The following CHRM3 variants were observed in gnomAD, a reference collection of about 807,000 sequenced individuals.
CHRM3 encodes cholinergic receptor muscarinic 3.
A neutral mutation model predicts 41.8 loss-of-function variants in CHRM3; 11 were observed. The observed-to-expected ratio is 0.26, with a 90% CI of 0.17 to 0.44. The LOEUF is 0.44. Ranked by LOEUF, CHRM3 falls within the 20% of genes least tolerant of loss-of-function variation. The pLI, the probability that CHRM3 is intolerant of heterozygous loss-of-function variation, is 1.00. For missense variants in CHRM3, 571 were observed against 745.4 expected, an observed-to-expected ratio of 0.77 and a Z score of 2.72; for synonymous variants, 297 against 301.4, an observed-to-expected ratio of 0.99 and a Z score of 0.15.
At chr1:239,897,009 T>C (rs1056561717) in intron 6 of CHRM3, among the ~76,000 whole-genome samples, 1 of 152,222 alleles carries the variant, frequency 6.6e-6, no homozygotes, top group African/African-American at 2.4e-5. Flanking sequence ...GGGTGCTTTA[T>C]ACAGATTCTA....
chr1:239,865,955 C>A (rs1408666656), intron 6 of CHRM3, among the ~76,000 whole-genome samples: 1 of 152,082 alleles, frequency 6.6e-6, no homozygotes, highest in Non-Finnish European at 1.5e-5. Flanking sequence ...GCACTTGCCT[C>A]CCACAAGGGT....
chr1:239,502,497 C>T (rs1278187432), intron 2 of CHRM3, among the ~76,000 whole-genome samples: 1 of 152,050 alleles, frequency 6.6e-6, no homozygotes, highest in Non-Finnish European at 1.5e-5. Context: ...CAGAATTCTC[C>T]CACACATTCA....
intron 5 of CHRM3, among the ~76,000 whole-genome samples, chr1:239,694,596 C>A (rs1660009527): frequency 6.6e-6 from 1 of 152,166 alleles, no homozygotes; most frequent in African/African-American, 2.4e-5. Context: ...GATTTCCCTT[C>A]TTCTGATTTA....
Position 239,844,599 on chromosome 1 carries a change from CT to C in CHRM3, c.-20+17222del, listed in dbSNP as rs140258397. Among the ~76,000 whole-genome samples the C allele has an allele frequency of 5.8e-3, 886 of 152,254 alleles. 13 individuals are homozygous for C. Among genetic ancestry groups the C allele is most frequent in the African/African-American group, 0.019 (809 of 41,556 alleles). On this transcript the variant is annotated intron_variant, in intron 6 of 6. Transcript: ENST00000676153. ...ATTTCCCGAGCGTTAGAGCTATATG[CT>C]GGTAAAATGGGTGGCCGTTGCTAAT...
intron 1 of CHRM3, among the ~76,000 whole-genome samples, chr1:239,432,876 G>A (rs1313862079): frequency 6.6e-6 from 1 of 151,956 alleles, no homozygotes; most frequent in African/African-American, 2.4e-5. Flanking sequence ...TGAATATTGG[G>A]CTTCCCAGGA....
intron 5 of CHRM3, among the ~76,000 whole-genome samples, chr1:239,686,508 G>A (rs1659161211): frequency 6.6e-6 from 1 of 152,040 alleles, no homozygotes; most frequent in East Asian, 1.9e-4. Flanking sequence ...CCTTCCCTGG[G>A]CAGAGTTAAA....
intron 5 of CHRM3, among the ~76,000 whole-genome samples, chr1:239,786,060 A>G (rs1668869903): frequency 6.6e-6 from 1 of 152,208 alleles, no homozygotes; most frequent in Admixed American, 6.5e-5. Flanking sequence ...TTGTTTGAGT[A>G]TAGTATACTT....
intron 5 of CHRM3, among the ~76,000 whole-genome samples, chr1:239,721,841 G>A (rs12045078): frequency 0.045 from 6,770 of 151,852 alleles, 181 homozygotes; most frequent in East Asian, 0.075. Context: ...ACAAAACAAA[G>A]CAATGTAATG....
chr1:239,837,283 G>C (rs1461630196), intron 6 of CHRM3, among the ~76,000 whole-genome samples: 1 of 152,140 alleles, frequency 6.6e-6, no homozygotes, highest in Non-Finnish European at 1.5e-5. Flanking sequence ...CATCCTTAAT[G>C]ATAGATCAAG....
intron 5 of CHRM3, among the ~76,000 whole-genome samples, chr1:239,696,156 A>G (rs1277438595): frequency 1.3e-5 from 2 of 152,138 alleles, no homozygotes; most frequent in Non-Finnish European, 2.9e-5. Context: ...TAACCTCCCT[A>G]AACTCCAGTT....
intron 6 of CHRM3, among the ~76,000 whole-genome samples, chr1:239,835,333 G>A (rs1033346342): frequency 3.3e-5 from 5 of 152,122 alleles, no homozygotes; most frequent in Non-Finnish European, 5.9e-5. Flanking sequence ...TTCCTTCAAT[G>A]AGGACATTAA....
At chr1:239,559,818 T>C (rs1040241429) in intron 3 of CHRM3, among the ~76,000 whole-genome samples, 1 of 152,180 alleles carries the variant, frequency 6.6e-6, no homozygotes, top group African/African-American at 2.4e-5. Flanking sequence ...TCCAGGATCT[T>C]ACCCTTCTTG....
At chr1:239,686,413 C>G (rs965709200) in intron 5 of CHRM3, among the ~76,000 whole-genome samples, 4 of 152,170 alleles carry the variant, frequency 2.6e-5, no homozygotes, top group Non-Finnish European at 5.9e-5. Context: ...ACACAGAGCC[C>G]TCTTTCCTGG....
At chr1:239,878,821 AG>A (rs1206016154) in intron 6 of CHRM3, among the ~76,000 whole-genome samples, 3 of 151,984 alleles carry the variant, frequency 2.0e-5, no homozygotes, top group Non-Finnish European at 4.4e-5. Context: ...TTGCCACGTG[AG>A]GGTACATGCT....
At chr1:239,904,742 A>T (rs955424445) in intron 6 of CHRM3, among the ~76,000 whole-genome samples, 21 of 152,226 alleles carry the variant, frequency 1.4e-4, no homozygotes, top group Admixed American at 7.9e-4. Flanking sequence ...AATCAGTGCA[A>T]TGTCAGATAT....
chr1:239,440,229 A>G (rs1407651347), intron 1 of CHRM3, among the ~76,000 whole-genome samples: 1 of 150,910 alleles, frequency 6.6e-6, no homozygotes, highest in Non-Finnish European at 1.5e-5. Flanking sequence ...CTCTATAGGG[A>G]CATTAATTTA....
intron 1 of CHRM3, among the ~76,000 whole-genome samples, chr1:239,442,257 T>C (rs1341384292): frequency 6.6e-6 from 1 of 151,930 alleles, no homozygotes; most frequent in Admixed American, 6.6e-5. Context: ...CAGGCACCTG[T>C]CACCACGCCC....
chr1:239,477,522 G>A (rs1480093421), intron 1 of CHRM3, among the ~76,000 whole-genome samples: 1 of 152,170 alleles, frequency 6.6e-6, no homozygotes. Context: ...CAAGAGAAAT[G>A]AATCTGACAT....
At chr1:239,523,210 ATATGT>A (rs1669771965) in intron 2 of CHRM3, among the ~76,000 whole-genome samples, 1 of 152,180 alleles carries the variant, frequency 6.6e-6, no homozygotes, top group African/African-American at 2.4e-5. Flanking sequence ...TTATATTTAT[ATATGT>A]ATGGTCATTT....
Sources: allele counts gnomAD v4.1 joint callset (sites outside exome capture counted in the v4.1 genomes callset), GRCh38; gene constraint gnomAD v4.1.1; transcripts MANE v1.5; gene names NCBI Gene and HGNC (gene_info 2026-07-23, HGNC 2026-07-21).